Variants in XIRP2 observed in about 807,000 individuals in gnomAD.
XIRP2 encodes xin actin binding repeat containing 2, also known as xin actin-binding repeat-containing protein 2.
XIRP2 carries 236 observed loss-of-function variants against 277.0 expected under a neutral mutation model. That is an observed-to-expected ratio of 0.85 (90% CI 0.77 to 0.95). The LOEUF (loss-of-function observed/expected upper bound fraction) is 0.95, where lower values mean the gene tolerates loss of function less well. Ranked by LOEUF, XIRP2 falls within the 40% of genes least tolerant of loss-of-function variation. XIRP2 has a pLI of 0.00. For synonymous variants in XIRP2, 1,490 were observed against 1,416.5 expected, an observed-to-expected ratio of 1.05 and a Z score of -1.17; for missense variants, 4,640 against 4,157.5, an observed-to-expected ratio of 1.12 and a Z score of -3.19.
At chr2:167,051,242 C>G (rs1434980943) in intron 2 of XIRP2, among the ~76,000 whole-genome samples, 1 of 152,136 alleles carries the variant, frequency 6.6e-6, no homozygotes, top group Non-Finnish European at 1.5e-5. Context: ...ACATGTAAGA[C>G]ACTTGTTTGT....
intron 2 of XIRP2, among the ~76,000 whole-genome samples, chr2:167,016,172 A>G (rs919784195): frequency 2.0e-5 from 3 of 151,218 alleles, no homozygotes; most frequent in East Asian, 2.0e-4. Context: ...TTTCTCCTTC[A>G]TCTTCCCCTC....
chr2:166,953,610 T>C (rs1686091429), intron 2 of XIRP2, among the ~76,000 whole-genome samples: 1 of 151,974 alleles, frequency 6.6e-6, no homozygotes, highest in Admixed American at 6.6e-5. Flanking sequence ...CAGATCAAAA[T>C]GGCCATGCTC....
intron 2 of XIRP2, among the ~76,000 whole-genome samples, chr2:166,952,375 G>C (rs1277573801): frequency 6.6e-6 from 1 of 151,876 alleles, no homozygotes; most frequent in Non-Finnish European, 1.5e-5. Flanking sequence ...TTTAATTTAG[G>C]TAATATCTGA....
chr2:167,254,326 G>C (rs564185303), intron 10 of XIRP2, among the ~76,000 whole-genome samples, 161 bp downstream of exon 10: 1 of 151,856 alleles, frequency 6.6e-6, no homozygotes, highest in African/African-American at 2.4e-5. Context: ...GTATTTCTGC[G>C]ACCTTTTTCC....
chr2:167,254,620 T>C (rs1695609201), intron 10 of XIRP2, among the ~76,000 whole-genome samples: 1 of 151,928 alleles, frequency 6.6e-6, no homozygotes, highest in South Asian at 2.1e-4. Context: ...GGTGTGGTTG[T>C]AAATAAATGG....
intron 2 of XIRP2, among the ~76,000 whole-genome samples, chr2:167,010,379 T>C (rs1264632144): frequency 6.6e-6 from 1 of 151,836 alleles, no homozygotes; most frequent in South Asian, 2.1e-4. Context: ...CAGATAGTTG[T>C]AGATATGTGG....
chr2:167,097,521 C>A (rs956841144), intron 2 of XIRP2, among the ~76,000 whole-genome samples: 1 of 152,098 alleles, frequency 6.6e-6, no homozygotes, highest in Non-Finnish European at 1.5e-5. Context: ...TGCTAGTCTG[C>A]ATCTTTTAAC....
intron 2 of XIRP2, among the ~76,000 whole-genome samples, chr2:167,119,024 A>T (rs1300430053): frequency 6.6e-6 from 1 of 152,206 alleles, no homozygotes; most frequent in East Asian, 1.9e-4. Flanking sequence ...AGATATGTTC[A>T]TTGATTTAAG....
intron 3 of XIRP2, among the ~76,000 whole-genome samples, chr2:167,204,482 C>T (rs1006395849): frequency 2.6e-5 from 4 of 152,124 alleles, no homozygotes; most frequent in Admixed American, 2.6e-4. Flanking sequence ...CTGAGCTTCC[C>T]TTCTCAGCTC....
At chr2:167,002,708 G>A (rs956462686) in intron 2 of XIRP2, among the ~76,000 whole-genome samples, 3 of 151,814 alleles carry the variant, frequency 2.0e-5, no homozygotes, top group African/African-American at 7.2e-5. Flanking sequence ...TTCTTTGAAA[G>A]TAATAAATAT....
chr2:167,171,594 CA>C (rs1178189603), intron 3 of XIRP2, among the ~76,000 whole-genome samples: 1 of 152,154 alleles, frequency 6.6e-6, no homozygotes, highest in African/African-American at 2.4e-5. Flanking sequence ...ATAATGTTTT[CA>C]AGTTTTCTAC....
chr2:166,889,286 C>G (rs1037217623), intron 1 of XIRP2, among the ~76,000 whole-genome samples: 1 of 152,198 alleles, frequency 6.6e-6, no homozygotes, highest in African/African-American at 2.4e-5. Context: ...ACCTTTCTAT[C>G]TCAGAGATGA....
chr2:167,110,167 C>A (rs371380842), intron 2 of XIRP2, among the ~76,000 whole-genome samples: 1 of 152,074 alleles, frequency 6.6e-6, no homozygotes, highest in African/African-American at 2.4e-5. Context: ...TGCAGAAATT[C>A]TTTTATTTAA....
chr2:167,251,446 A>G lies in XIRP2; in HGVS notation c.10054A>G (p.Arg3352Gly). ...CCCAGTTTCTGAAGCAAAGTCAAAT[A>G]GAAGAGTTTATGCAAAGGGAGAAAC... Reference protein sequence around the residue: ...HGPVSEAKSNRRVYAKGETNH... With the variant: ...HGPVSEAKSNGRVYAKGETNH... The change falls in exon 9 of 11, where the codon AGA becomes GGA. Residue 3352 changes from arginine to glycine, a missense_variant. Physicochemically the swap from Arg to Gly is moderately radical, Grantham distance 125 (BLOSUM62 -2). Coordinates refer to ENST00000409195, the MANE Select transcript of XIRP2 (RefSeq NM_152381.6). 1 of 1,613,674 alleles carries G rather than the reference A, an allele frequency of 6.2e-7. No homozygotes were observed.
At chr2:167,002,019 C>T (rs748385069) in intron 2 of XIRP2, among the ~76,000 whole-genome samples, 13 of 151,766 alleles carry the variant, frequency 8.6e-5, no homozygotes, top group Non-Finnish European at 1.9e-4. Context: ...AAAATATTAC[C>T]ATGCTGTTCA....
At chr2:167,172,804 AGGGT>A (rs1362745038) in intron 3 of XIRP2, among the ~76,000 whole-genome samples, 3 of 152,204 alleles carry the variant, frequency 2.0e-5, no homozygotes, top group Non-Finnish European at 4.4e-5. Context: ...CAATCATCAC[AGGGT>A]CCTGAGGTGA....
intron 2 of XIRP2, among the ~76,000 whole-genome samples, chr2:167,091,607 G>C (rs113889980): frequency 6.6e-6 from 1 of 151,820 alleles, no homozygotes; most frequent in Non-Finnish European, 1.5e-5. Context: ...TTGAATCATA[G>C]TTTTAATTCT....
chr2:167,200,359 A>G (rs1693646327), intron 3 of XIRP2, among the ~76,000 whole-genome samples: 1 of 152,226 alleles, frequency 6.6e-6, no homozygotes, highest in African/African-American at 2.4e-5. Context: ...GCAAATTTTT[A>G]AAGTGAGTAA....
At chr2:166,981,284 C>A (rs1250041867) in intron 2 of XIRP2, among the ~76,000 whole-genome samples, 1 of 152,126 alleles carries the variant, frequency 6.6e-6, no homozygotes, top group Admixed American at 6.5e-5. Context: ...CCTTCTTTTT[C>A]TCTTCCTAGC....
Sources: allele counts gnomAD v4.1 joint callset (sites outside exome capture counted in the v4.1 genomes callset), GRCh38; gene constraint gnomAD v4.1.1; transcripts MANE v1.5; gene names NCBI Gene and HGNC (gene_info 2026-07-23, HGNC 2026-07-21).